WDHD1: variants seen among roughly 807,000 people sequenced by gnomAD.
WDHD1 encodes the protein WD repeat and HMG-box DNA-binding protein 1.
WDHD1 carries 111 observed loss-of-function variants against 135.4 expected under a neutral mutation model. The observed-to-expected ratio is 0.82, with a 90% CI of 0.70 to 0.96. WDHD1 has a LOEUF of 0.96. Among genes scored for constraint, WDHD1 ranks in the 40% least tolerant of loss-of-function variants. The probability of loss-of-function intolerance (pLI) is 0.00; values close to 1 mark genes in which losing one functional copy is unlikely to be tolerated. For missense variants in WDHD1, 1,351 were observed against 1,336.3 expected (o/e 1.01, Z -0.17); for synonymous variants, 434 against 439.0 (o/e 0.99, Z 0.14).
rs193152154 is a variant in WDHD1, at chr14:54,977,262, G to A, written c.2063+4278C>T. ...TCTTTTATTCCTGTAGGGCTGCTGA[G>A]CTATTATAAAGTGTCTAGGAATGCA... is the stretch of plus-strand genomic sequence containing the variant. On this transcript the variant is annotated intron_variant, in intron 16 of 25. Transcript: ENST00000360586. Among the ~76,000 whole-genome samples the A allele has an allele frequency of 4.9e-4, 74 of 152,234 alleles. 1 individual carries two copies. The highest frequency in any genetic ancestry group is 1.7e-3 in the African/African-American group (70 of 41,538).
At chr14:54,945,715 A>G (rs141241177) in intron 24 of WDHD1, among the ~76,000 whole-genome samples, 167 of 152,078 alleles carry the variant, frequency 1.1e-3, no homozygotes, top group African/African-American at 3.7e-3. Context: ...TAATTTTTGT[A>G]TTTTTAGTAA....
intron 16 of WDHD1, 78 bp from the exon 17 acceptor site, chr14:54,967,472 A>C: frequency 1.0e-6 from 1 of 958,094 alleles, no homozygotes; most frequent in Non-Finnish European, 1.6e-6. Context: ...AGTTTTCAAA[A>C]GTTAGTAACT....
At chr14:55,007,121 G>A (rs1332063517) in intron 7 of WDHD1, among the ~76,000 whole-genome samples, 159 bp downstream of exon 7, 4 of 151,546 alleles carry the variant, frequency 2.6e-5, no homozygotes, top group South Asian at 2.1e-4. Context: ...CCAGCTACTC[G>A]GGAGGCTGAG....
chr14:54,950,507 T>G (rs1431052752), intron 24 of WDHD1, among the ~76,000 whole-genome samples: 2 of 152,040 alleles, frequency 1.3e-5, no homozygotes, highest in South Asian at 4.1e-4. Context: ...ACCAAGTCCT[T>G]AGAGACCTAC....
chr14:55,022,558 T>C (rs2042366521), intron 2 of WDHD1, among the ~76,000 whole-genome samples: 1 of 152,060 alleles, frequency 6.6e-6, no homozygotes, highest in Admixed American at 6.5e-5. Context: ...GGTGTATGCC[T>C]GTAATCCCAG....
intron 24 of WDHD1, among the ~76,000 whole-genome samples, chr14:54,952,027 C>G (rs1363661678): frequency 1.3e-5 from 2 of 152,146 alleles, no homozygotes; most frequent in Non-Finnish European, 2.9e-5. Context: ...AAACCCACAG[C>G]CAATATCATA....
At chr14:54,949,433 G>C (rs141419326) in intron 24 of WDHD1, among the ~76,000 whole-genome samples, 1 of 152,054 alleles carries the variant, frequency 6.6e-6, no homozygotes. Context: ...GAAATGAAGC[G>C]AGAAGAAAAG....
At chr14:54,956,631 G>C (rs2041163383) in intron 23 of WDHD1, among the ~76,000 whole-genome samples, 1 of 152,108 alleles carries the variant, frequency 6.6e-6, no homozygotes, top group Non-Finnish European at 1.5e-5. Flanking sequence ...GACAGAGTGA[G>C]CCTCTGTCTC....
At chr14:54,963,453 A>C (rs1191316591) in intron 18 of WDHD1, among the ~76,000 whole-genome samples, 1 of 152,272 alleles carries the variant, frequency 6.6e-6, no homozygotes, top group African/African-American at 2.4e-5. Context: ...ATTTGATGAA[A>C]TATTACATAC....
At chr14:54,969,098 G>A (rs1168244337) in intron 16 of WDHD1, among the ~76,000 whole-genome samples, 2 of 151,982 alleles carry the variant, frequency 1.3e-5, no homozygotes, top group Admixed American at 1.3e-4. Context: ...GAGTGCAGTG[G>A]CACGATCTCG....
chr14:55,005,753 T>C (rs777635617), intron 7 of WDHD1: 4 of 392,898 alleles, frequency 1.0e-5, no homozygotes, highest in Non-Finnish European at 1.9e-5. Flanking sequence ...CTTCTCTGGG[T>C]AGTGCAGAAA....
intron 16 of WDHD1, among the ~76,000 whole-genome samples, chr14:54,970,082 C>T (rs2041406727): frequency 6.6e-6 from 1 of 152,156 alleles, no homozygotes; most frequent in Non-Finnish European, 1.5e-5. Flanking sequence ...GGCAAACCCA[C>T]AGACAACACC....
intron 10 of WDHD1, among the ~76,000 whole-genome samples, chr14:54,998,394 T>G (rs2041921942): frequency 6.6e-6 from 1 of 152,122 alleles, no homozygotes; most frequent in Non-Finnish European, 1.5e-5. Flanking sequence ...CCTCCCAAAG[T>G]GCTGGGATTA....
intron 7 of WDHD1, among the ~76,000 whole-genome samples, chr14:55,004,079 T>C (rs999181123): frequency 6.6e-6 from 1 of 152,212 alleles, no homozygotes; most frequent in Admixed American, 6.5e-5. Flanking sequence ...TTATTAATTT[T>C]ATTTCCTGAA....
At chr14:54,987,039 T>C in intron 14 of WDHD1, 107 bp downstream of exon 14, 1 of 1,306,870 alleles carries the variant, frequency 7.7e-7, no homozygotes, top group Non-Finnish European at 1.1e-6. Flanking sequence ...ATTACACGGA[T>C]TCAAAAGGAA....
rs1194897057 is a variant in WDHD1, at chr14:55,000,986, T to A, written c.700A>T (p.Asn234Tyr). The A allele has an allele frequency of 6.5e-7, 1 of 1,548,302 alleles. No homozygotes were observed. The highest frequency in any genetic ancestry group is 1.9e-5 in the Admixed American group (1 of 51,346). ...LSDNFISQTLNIVTWSPCGQY... is the reference protein window; with the variant it reads ...LSDNFISQTLYIVTWSPCGQY... ...CCACAGGGAGACCAGGTTACTATAT[T>A]GAGGGTCTGTAAAGAAAAACAGTTA... The change falls in exon 9 of 26, where the codon AAT becomes TAT. Residue 234 changes from asparagine (N) to tyrosine (Y), a missense_variant. By Grantham distance (143) the Asn-to-Tyr change is moderately radical (BLOSUM62 -2). Coordinates refer to ENST00000360586, the MANE Select transcript of WDHD1 (RefSeq NM_007086.4).
chr14:55,002,404 G>A (rs1199553917), intron 7 of WDHD1, among the ~76,000 whole-genome samples: 1 of 152,036 alleles, frequency 6.6e-6, no homozygotes, highest in Non-Finnish European at 1.5e-5. Context: ...CTAAGTAGCT[G>A]GGACTACAGG....
At chr14:55,013,436 T>C (rs759429081) in intron 3 of WDHD1, 49 bp downstream of exon 3, 1 of 1,285,624 alleles carries the variant, frequency 7.8e-7, no homozygotes, top group South Asian at 1.2e-5. Context: ...AGCATAAAAA[T>C]CACATGCCAG....
At chr14:54,981,454 G>C in intron 16 of WDHD1, 86 bp downstream of exon 16, 1 of 1,325,080 alleles carries the variant, frequency 7.5e-7, no homozygotes, top group Non-Finnish European at 1.1e-6. Flanking sequence ...TAAGATAAAA[G>C]ACAAATACAC....
Sources: allele counts gnomAD v4.1 joint callset (sites outside exome capture counted in the v4.1 genomes callset), GRCh38; gene constraint gnomAD v4.1.1; transcripts MANE v1.5; gene names NCBI Gene and HGNC (gene_info 2026-07-23, HGNC 2026-07-21).